The following GRID2 variants were observed in gnomAD, a reference collection of about 807,000 sequenced individuals.
GRID2 encodes glutamate receptor ionotropic, delta-2.
GRID2 carries 33 observed loss-of-function variants against 114.8 expected under a neutral mutation model. The observed-to-expected ratio is 0.29, with a 90% CI of 0.22 to 0.38. The LOEUF (loss-of-function observed/expected upper bound fraction) is 0.38, where lower values mean the gene tolerates loss of function less well. Among genes scored for constraint, GRID2 ranks in the 10% least tolerant of loss-of-function variants. GRID2 has a pLI of 1.00. For missense variants in GRID2, 1,184 were observed against 1,257.7 expected (o/e 0.94, Z 0.89); for synonymous variants, 505 against 449.9 (o/e 1.12, Z -1.55).
chr4:92,442,309 A>G (rs1018401259), intron 1 of GRID2, among the ~76,000 whole-genome samples: 5 of 151,970 alleles, frequency 3.3e-5, no homozygotes, highest in Non-Finnish European at 5.9e-5. Flanking sequence ...AGTGGCTCCC[A>G]GGTGAGTTGA....
chr4:93,351,940 G>T (rs940322816), intron 8 of GRID2, among the ~76,000 whole-genome samples: 3 of 151,994 alleles, frequency 2.0e-5, no homozygotes, highest in African/African-American at 7.2e-5. Context: ...CCCAATGGAG[G>T]AGTGTCTCTC....
At chr4:92,791,749 C>T (rs1182685026) in intron 2 of GRID2, among the ~76,000 whole-genome samples, 1 of 151,656 alleles carries the variant, frequency 6.6e-6, no homozygotes, top group African/African-American at 2.4e-5. Context: ...CAATCAATAC[C>T]CTGAGACAGC....
chr4:93,661,862 A>G (rs1339696278), intron 14 of GRID2, among the ~76,000 whole-genome samples: 1 of 152,174 alleles, frequency 6.6e-6, no homozygotes, highest in African/African-American at 2.4e-5. Flanking sequence ...ATAAACCGTA[A>G]GTGAGATCAT....
At chr4:93,528,907 G>T (rs1553947268) in intron 13 of GRID2, among the ~76,000 whole-genome samples, 3 of 152,126 alleles carry the variant, frequency 2.0e-5, no homozygotes, top group South Asian at 2.1e-4. Flanking sequence ...GAAAGAGACT[G>T]CAGGGACCTT....
At chr4:92,780,830 T>C (rs1739037218) in intron 2 of GRID2, among the ~76,000 whole-genome samples, 1 of 152,126 alleles carries the variant, frequency 6.6e-6, no homozygotes, top group Non-Finnish European at 1.5e-5. Flanking sequence ...CCTTCTGATC[T>C]TACATTATAA....
intron 1 of GRID2, among the ~76,000 whole-genome samples, chr4:92,360,918 T>G (rs1478339427): frequency 6.6e-6 from 1 of 152,022 alleles, no homozygotes; most frequent in African/African-American, 2.4e-5. Context: ...TTTTTCTAGG[T>G]TAAATATTTG....
chr4:93,325,534 T>A (rs920945171), intron 8 of GRID2, among the ~76,000 whole-genome samples: 1 of 151,934 alleles, frequency 6.6e-6, no homozygotes, highest in African/African-American at 2.4e-5. Context: ...AATTTTACAA[T>A]ATAGATTATT....
intron 13 of GRID2, among the ~76,000 whole-genome samples, chr4:93,558,294 A>G (rs1293861412): frequency 1.3e-5 from 2 of 152,230 alleles, no homozygotes; most frequent in Non-Finnish European, 2.9e-5. Flanking sequence ...CAATGAATCC[A>G]GGAGATGGTT....
chr4:93,551,185 C>A (rs181335406), intron 13 of GRID2, among the ~76,000 whole-genome samples: 115 of 152,092 alleles, frequency 7.6e-4, no homozygotes, highest in African/African-American at 2.7e-3. Context: ...GACCAGGTAA[C>A]CATGTGGAGG....
At chr4:92,490,446 G>C (rs1003046692) in intron 1 of GRID2, among the ~76,000 whole-genome samples, 1 of 152,072 alleles carries the variant, frequency 6.6e-6, no homozygotes, top group Non-Finnish European at 1.5e-5. Context: ...TTATCATTAG[G>C]CTTTATTAAG....
intron 1 of GRID2, among the ~76,000 whole-genome samples, chr4:92,380,152 C>T (rs1579268032): frequency 6.6e-6 from 1 of 150,824 alleles, no homozygotes; most frequent in Non-Finnish European, 1.5e-5. Context: ...AGCATTTTTA[C>T]TTTTTTTTTG....
chr4:93,134,857 AAG>A (rs1735101106), intron 4 of GRID2, among the ~76,000 whole-genome samples: 1 of 152,074 alleles, frequency 6.6e-6, no homozygotes, highest in South Asian at 2.1e-4. Context: ...GCTGTAAAAT[AAG>A]AGAGAAATGT....
chr4:93,109,414 G>T (rs1181335090), intron 3 of GRID2, among the ~76,000 whole-genome samples: 1 of 152,142 alleles, frequency 6.6e-6, no homozygotes, highest in African/African-American at 2.4e-5. Flanking sequence ...AAGCAAAATT[G>T]TTGTTTTAGT....
At chr4:92,636,490 C>T (rs1318976547) in intron 2 of GRID2, among the ~76,000 whole-genome samples, 1 of 151,956 alleles carries the variant, frequency 6.6e-6, no homozygotes, top group Non-Finnish European at 1.5e-5. Context: ...TGCTCACAAT[C>T]CTTTGTTCTC....
chr4:93,303,071 G>T (rs146422808), intron 8 of GRID2, among the ~76,000 whole-genome samples: 3 of 152,128 alleles, frequency 2.0e-5, no homozygotes, highest in African/African-American at 7.2e-5. Context: ...CATGTCTTAC[G>T]TGACCAGAGA....
At chr4:92,829,195 G>A (rs1232712420) in intron 2 of GRID2, among the ~76,000 whole-genome samples, 2 of 152,068 alleles carry the variant, frequency 1.3e-5, no homozygotes, top group Non-Finnish European at 2.9e-5. Flanking sequence ...TTTTGTATAA[G>A]GTGTAAGGAA....
chr4:93,571,198 A>G (rs1560765053), intron 13 of GRID2, among the ~76,000 whole-genome samples: 1 of 152,094 alleles, frequency 6.6e-6, no homozygotes, highest in Non-Finnish European at 1.5e-5. Flanking sequence ...TTTTGGGCAG[A>G]TGGCAGGGGT....
chr4:92,587,492 G>T (rs1156687321), intron 1 of GRID2, among the ~76,000 whole-genome samples: 1 of 152,076 alleles, frequency 6.6e-6, no homozygotes, highest in African/African-American at 2.4e-5. Flanking sequence ...CAGAATGCTT[G>T]TGTTGAAGAC....
Position 93,403,338 on chromosome 4 carries a change from T to C in GRID2, c.1347+7630T>C, listed in dbSNP as rs189824377. 7.3e-4 allele frequency among the ~76,000 whole-genome samples: 111 copies of C among 152,200 alleles called. No individual in the cohort carries two copies. In the South Asian group the frequency reaches 0.016, roughly 21 times the overall value. ...AACACAGTTCCCACAGTTTCACTTCTGGGGTGGCAAATGAGGAGTTCCATG... is the reference window on the plus strand; with the variant it reads ...AACACAGTTCCCACAGTTTCACTTCCGGGGTGGCAAATGAGGAGTTCCATG... On this transcript the variant is annotated intron_variant, in intron 9 of 15. Coordinates refer to ENST00000282020, the MANE Select transcript of GRID2 (RefSeq NM_001510.4).
Sources: gnomAD v4.1 joint callset for allele counts (sites outside exome capture counted in the v4.1 genomes callset) on GRCh38, gnomAD v4.1.1 for gene constraint, MANE v1.5 for transcripts, NCBI Gene and HGNC (gene_info 2026-07-23, HGNC 2026-07-21) for gene names.